NTM: variants seen among roughly 807,000 people sequenced by gnomAD.
The protein encoded by NTM is IgLON family member 2.
A neutral mutation model predicts 42.1 loss-of-function variants in NTM; 13 were observed. The ratio of observed to expected loss-of-function variants is 0.31; its 90% CI spans 0.20 to 0.49. The LOEUF (loss-of-function observed/expected upper bound fraction) is 0.49. Among genes scored for constraint, NTM ranks in the 20% least tolerant of loss-of-function variants. The pLI is 0.99. For synonymous variants in NTM, 187 were observed against 179.2 expected (o/e 1.04, Z -0.35); for missense variants, 373 against 452.8 (o/e 0.82, Z 1.60).
At chr11:131,917,313 A>G (rs113373488) in intron 2 of NTM, among the ~76,000 whole-genome samples, 4 of 152,214 alleles carry the variant, frequency 2.6e-5, no homozygotes, top group Non-Finnish European at 5.9e-5. Context: ...TGCCTTGGGC[A>G]TGTTACTTCC....
At position 131,835,863 on chromosome 11, in the gene NTM, A is replaced by G. The variant is rs898127171; in HGVS notation, c.83-75701A>G. Among the ~76,000 whole-genome samples the G allele has an allele frequency of 3.9e-5, 6 of 152,318 alleles. No individual in the cohort carries two copies. The East Asian group carries it at 5.8e-4, about 15-fold the overall frequency. On this transcript the variant is annotated intron_variant, in intron 1 of 8. Transcript: ENST00000683400. ...ATATGGATAGGGACATATCCACCCA[A>G]TGGAATATTCTAAAACACTAAGACT...
intron 1 of NTM, among the ~76,000 whole-genome samples, chr11:131,454,303 G>A (rs1950704839): frequency 6.6e-6 from 1 of 152,144 alleles, no homozygotes; most frequent in African/African-American, 2.4e-5. Context: ...TAACCTATGT[G>A]GGGTTCTGTA....
rs540214986 is a variant in NTM, at chr11:131,799,233, A to G, written c.83-112331A>G. ...ACCCCACTCTAATTAGGCTCATCCT[A>G]TATGATCCATCCTTAGAGTGTGTAC... On this transcript the variant is annotated intron_variant, in intron 1 of 8. Transcript: ENST00000683400. Among the ~76,000 whole-genome samples the G allele has an allele frequency of 5.9e-5, 9 of 152,314 alleles. No individual in the cohort carries two copies. In the South Asian group the frequency reaches 1.5e-3, roughly 25 times the overall value.
At chr11:131,796,010 G>T (rs564099777) in intron 1 of NTM, 436 of 985,376 alleles carry the variant, frequency 4.4e-4, no homozygotes, top group South Asian at 8.9e-4. Flanking sequence ...TTGTGTGCAG[G>T]GGCAATCAGC....
At chr11:131,988,561 C>T (rs77477264) in intron 2 of NTM, among the ~76,000 whole-genome samples, 5 of 152,232 alleles carry the variant, frequency 3.3e-5, no homozygotes, top group South Asian at 2.1e-4. Flanking sequence ...TGGCTGTAGA[C>T]GTGGTGAGGT....
intron 4 of NTM, among the ~76,000 whole-genome samples, chr11:132,220,494 G>C (rs888941880): frequency 3.3e-5 from 5 of 152,178 alleles, no homozygotes; most frequent in African/African-American, 1.2e-4. Flanking sequence ...TCAAAGAAGA[G>C]AGAAATAATA....
At chr11:131,861,873 C>G (rs1214450509) in intron 1 of NTM, among the ~76,000 whole-genome samples, 1 of 152,198 alleles carries the variant, frequency 6.6e-6, no homozygotes, top group African/African-American at 2.4e-5. Flanking sequence ...CCTGTCTCCA[C>G]TCCACATTCA....
intron 1 of NTM, among the ~76,000 whole-genome samples, chr11:131,700,588 G>A (rs1440482871): frequency 1.3e-5 from 2 of 152,208 alleles, no homozygotes; most frequent in Non-Finnish European, 2.9e-5. Context: ...CTGTGTGCCA[G>A]GCACATATTA....
chr11:132,130,883 C>G (rs2066696754), intron 2 of NTM, among the ~76,000 whole-genome samples: 1 of 152,120 alleles, frequency 6.6e-6, no homozygotes. Flanking sequence ...GAAAAGGAAA[C>G]CGAGGCCCAG....
At chr11:131,567,805 A>G (rs766067728) in intron 1 of NTM, among the ~76,000 whole-genome samples, 3 of 152,240 alleles carry the variant, frequency 2.0e-5, no homozygotes, top group Non-Finnish European at 2.9e-5. Context: ...CATCAAAATG[A>G]GAAGATGGCA....
At chr11:131,677,793 C>T (rs569224160) in intron 1 of NTM, among the ~76,000 whole-genome samples, 1 of 152,240 alleles carries the variant, frequency 6.6e-6, no homozygotes, top group Non-Finnish European at 1.5e-5. Context: ...CTGAACAGCA[C>T]ATTACCAGCG....
chr11:131,774,129 G>T (rs925894224), intron 1 of NTM: 6 of 984,886 alleles, frequency 6.1e-6, no homozygotes, highest in African/African-American at 5.2e-5. Context: ...AATCATCAGC[G>T]AATTCTTCAT....
chr11:132,319,789 G>A (rs187079148), intron 7 of NTM, among the ~76,000 whole-genome samples: 142 of 152,330 alleles, frequency 9.3e-4, no homozygotes, highest in Non-Finnish European at 1.9e-3. Context: ...CCAGCATGCA[G>A]CTGGAGATCT....
intron 2 of NTM, among the ~76,000 whole-genome samples, chr11:131,933,724 G>A (rs1225821218): frequency 6.6e-6 from 1 of 152,052 alleles, no homozygotes; most frequent in Non-Finnish European, 1.5e-5. Flanking sequence ...GGAAGAATCT[G>A]TCTTAATATC....
intron 1 of NTM, among the ~76,000 whole-genome samples, chr11:131,838,215 G>A (rs2045956308): frequency 6.6e-6 from 1 of 152,070 alleles, no homozygotes; most frequent in South Asian, 2.1e-4. Context: ...CACAGGTCCT[G>A]CGCATGCTCA....
chr11:132,097,486 G>A (rs2061149058), intron 2 of NTM, among the ~76,000 whole-genome samples: 1 of 152,196 alleles, frequency 6.6e-6, no homozygotes, highest in Admixed American at 6.5e-5. Flanking sequence ...TCCGTCCTGT[G>A]TCAGGCCTCA....
At chr11:131,699,089 T>A (rs1470157912) in intron 1 of NTM, among the ~76,000 whole-genome samples, 1 of 152,236 alleles carries the variant, frequency 6.6e-6, no homozygotes. Flanking sequence ...GTGTTCATCT[T>A]AATGCTTGTA....
At chr11:132,207,985 T>C (rs968195839) in intron 3 of NTM, among the ~76,000 whole-genome samples, 2 of 152,214 alleles carry the variant, frequency 1.3e-5, no homozygotes, top group Non-Finnish European at 2.9e-5. Context: ...GTATCTTATT[T>C]AGTTTATGTC....
Position 132,314,669 on chromosome 11 carries a change from G to C in NTM, c.900G>C (p.Lys300Asn). 1 of 1,613,824 alleles carries C rather than the reference G, an allele frequency of 6.2e-7. No individual in the cohort carries two copies. Among genetic ancestry groups the C allele is most frequent in the South Asian group, 1.1e-5 (1 of 90,964 alleles). The change falls in exon 7 of 9, where the codon AAG becomes AAC. Residue 300 changes from lysine (K) to asparagine (N), a missense_variant. By Grantham distance (94) the Lys-to-Asn change is moderately conservative. Coordinates refer to ENST00000683400, the MANE Select transcript of NTM (RefSeq NM_001352005.2). ...ACTACACTTGCGTGGCCTCCAACAA[G>C]CTGGGCCACACCAATGCCAGCATCA... ...YGNYTCVASN[K>N]LGHTNASIML...
Sources: gnomAD v4.1 joint callset for allele counts (sites outside exome capture counted in the v4.1 genomes callset) on GRCh38, gnomAD v4.1.1 for gene constraint, MANE v1.5 for transcripts, NCBI Gene and HGNC (gene_info 2026-07-23, HGNC 2026-07-21) for gene names.